The following UNC5A variants were observed in gnomAD, a reference collection of about 807,000 sequenced individuals.
UNC5A encodes unc-5 netrin receptor A, also known as netrin receptor UNC5A.
Under a neutral mutation model 87.4 loss-of-function variants are expected in UNC5A, and 20 were observed. The observed-to-expected ratio is 0.23, with a 90% CI of 0.16 to 0.33. The LOEUF is 0.33. Among genes scored for constraint, UNC5A ranks in the 10% least tolerant of loss-of-function variants. The pLI is 1.00. For synonymous variants in UNC5A, 438 were observed against 482.3 expected (o/e 0.91, Z 1.20); for missense variants, 844 against 1,133.4 (o/e 0.74, Z 3.67).
At chr5:176,862,479 G>C in intron 1 of UNC5A, 145 bp from the exon 2 acceptor site, 2 of 809,228 alleles carry the variant, frequency 2.5e-6, no homozygotes. Context: ...TCATTGGCCT[G>C]AGATTGCCCA....
At position 176,849,583 on chromosome 5, in the gene UNC5A, A is replaced by T. The variant is rs185139027; in HGVS notation, c.71-13041A>T. On this transcript the variant is annotated intron_variant, in intron 1 of 14. Coordinates refer to ENST00000329542, the MANE Select transcript of UNC5A (RefSeq NM_133369.3). ...CTGGGCAACTGCGTCTCAAAAAATT[A>T]AAAAAATGGTGCACCTCTCATCTGG... Among the ~76,000 whole-genome samples the T allele has an allele frequency of 3.7e-4, 56 of 152,270 alleles. No individual in the cohort carries two copies. The East Asian group carries it at 7.5e-3, about 20-fold the overall frequency.
intron 1 of UNC5A, among the ~76,000 whole-genome samples, chr5:176,842,818 G>A (rs1033871141): frequency 4.6e-5 from 7 of 152,074 alleles, no homozygotes; most frequent in Middle Eastern, 3.2e-3. Flanking sequence ...TTACGTAACC[G>A]AATACCACCT....
chr5:176,817,970 C>T (rs983540751), intron 1 of UNC5A, among the ~76,000 whole-genome samples: 4 of 152,040 alleles, frequency 2.6e-5, no homozygotes, highest in African/African-American at 9.7e-5. Context: ...GCCGGATTAG[C>T]GGCTCTTTGT....
chr5:176,869,110 C>G lies in UNC5A; in HGVS notation c.721+146C>G, dbSNP rs1758047121. On this transcript the variant is annotated intron_variant, in intron 5 of 14. Coordinates refer to ENST00000329542, the MANE Select transcript of UNC5A (RefSeq NM_133369.3). This position sits in a 1 kb window ranked among gnomAD's most constrained non-coding sequence, Gnocchi z 9.1. ...GACTAGGCAGGATAAGCAAAGGGCT[C>G]TCTGTGACTGCTGGGGGCCCAGGGG... 2.2e-6 allele frequency: 2 copies of G among 927,142 alleles called. No homozygotes were observed. The highest frequency in any genetic ancestry group is 3.7e-5 in the South Asian group (2 of 54,476). The allele number at this position is 927,142 out of a possible 1,614,324, so 57.4% of individuals were successfully genotyped here.
intron 1 of UNC5A, among the ~76,000 whole-genome samples, chr5:176,831,320 C>A (rs1191307724): frequency 6.6e-6 from 1 of 152,128 alleles, no homozygotes; most frequent in African/African-American, 2.4e-5. Context: ...CTCCAGGCAG[C>A]TGTATGGAAC....
At chr5:176,812,438 G>T (rs902176941) in intron 1 of UNC5A, among the ~76,000 whole-genome samples, 8 of 152,218 alleles carry the variant, frequency 5.3e-5, no homozygotes, top group Non-Finnish European at 8.8e-5. Flanking sequence ...AACCAGGGGG[G>T]TTGGCATGGT....
Position 176,865,642 on chromosome 5 carries a change from C to T in UNC5A, c.293-2488C>T. ...AGGTGAAGAAAAAGGCTTTCCTTAC[C>T]CACGGCAGATACCACGGCAGTGGCG... On this transcript the variant is annotated intron_variant, in intron 2 of 14. Coordinates refer to ENST00000329542, the MANE Select transcript of UNC5A (RefSeq NM_133369.3). This position sits in a 1 kb window ranked among gnomAD's most constrained non-coding sequence, Gnocchi z 5.3. 2 of 456,774 alleles carry T rather than the reference C, an allele frequency of 4.4e-6. No individual in the cohort carries two copies. Among genetic ancestry groups the T allele is most frequent in the South Asian group, 3.1e-5 (2 of 64,572 alleles). The allele number at this position is 456,774 out of a possible 1,614,324, so 28.3% of individuals were successfully genotyped here.
At chr5:176,826,542 C>T (rs1361621278) in intron 1 of UNC5A, among the ~76,000 whole-genome samples, 2 of 151,862 alleles carry the variant, frequency 1.3e-5, no homozygotes, top group Non-Finnish European at 2.9e-5. Flanking sequence ...GTGAAATTCA[C>T]GTAACATAAA....
chr5:176,858,761 A>AGGAT (rs1757732798), intron 1 of UNC5A, among the ~76,000 whole-genome samples: 2 of 135,968 alleles, frequency 1.5e-5, no homozygotes, highest in Non-Finnish European at 3.2e-5. Context: ...GAAGGAAGGA[A>AGGAT]GGAAGGAAGG....
rs1311474861 is a variant in UNC5A, at chr5:176,866,455, G to A, written c.293-1675G>A. On this transcript the variant is annotated intron_variant, in intron 2 of 14. Transcript: ENST00000329542. This position sits in a 1 kb window ranked among gnomAD's most constrained non-coding sequence, Gnocchi z 5.0. ...AGGCAAAGGGAGAAGAAAAGGGAGCGCTTAAAGGTAGTGCTGTTCTCCCAA... is the reference window on the plus strand; with the variant it reads ...AGGCAAAGGGAGAAGAAAAGGGAGCACTTAAAGGTAGTGCTGTTCTCCCAA... Among the ~76,000 whole-genome samples the A allele has an allele frequency of 2.0e-5, 3 of 152,100 alleles. No homozygotes were observed. Among genetic ancestry groups the A allele is most frequent in the African/African-American group, 4.8e-5 (2 of 41,432 alleles).
intron 1 of UNC5A, among the ~76,000 whole-genome samples, chr5:176,853,495 C>A (rs1406260351): frequency 1.3e-5 from 2 of 152,228 alleles, no homozygotes; most frequent in African/African-American, 4.8e-5. Flanking sequence ...TGTGACCAGG[C>A]CCCTGGAGCC....
chr5:176,815,030 G>A (rs974582655), intron 1 of UNC5A, among the ~76,000 whole-genome samples: 2 of 152,220 alleles, frequency 1.3e-5, no homozygotes, highest in Non-Finnish European at 2.9e-5. Context: ...CCCCAGCCAC[G>A]TGTATGGACA....
chr5:176,862,513 C>A (rs1157026298), intron 1 of UNC5A, 111 bp from the exon 2 acceptor site: 6 of 1,005,732 alleles, frequency 6.0e-6, no homozygotes, highest in Non-Finnish European at 9.0e-6. Context: ...AGAGCCTGGA[C>A]TCACTCTCCT....
chr5:176,814,727 T>C (rs559457801), intron 1 of UNC5A, among the ~76,000 whole-genome samples: 1 of 152,358 alleles, frequency 6.6e-6, no homozygotes, highest in African/African-American at 2.4e-5. Flanking sequence ...CCTCAGGTAT[T>C]GCCATTGTTT....
intron 1 of UNC5A, among the ~76,000 whole-genome samples, chr5:176,843,365 AG>A (rs1757326067): frequency 6.6e-6 from 1 of 152,030 alleles, no homozygotes; most frequent in African/African-American, 2.4e-5. Flanking sequence ...CCAGACACGA[AG>A]GACTCCATTC....
chr5:176,828,338 G>A (rs774664503), intron 1 of UNC5A, among the ~76,000 whole-genome samples: 3 of 152,180 alleles, frequency 2.0e-5, no homozygotes, highest in Non-Finnish European at 2.9e-5. Context: ...GGGCAGTGGG[G>A]GTGAGGGAGC....
At chr5:176,854,338 T>C (rs1757617643) in intron 1 of UNC5A, among the ~76,000 whole-genome samples, 1 of 152,186 alleles carries the variant, frequency 6.6e-6, no homozygotes, top group South Asian at 2.1e-4. Context: ...TGTCCCTGCT[T>C]ATCAGAGCCC....
At chr5:176,812,961 G>T (rs1379709162) in intron 1 of UNC5A, among the ~76,000 whole-genome samples, 3 of 152,220 alleles carry the variant, frequency 2.0e-5, no homozygotes, top group Non-Finnish European at 4.4e-5. Flanking sequence ...GGTGAAAAAT[G>T]TGTCTGTGAG....
At chr5:176,840,408 C>A (rs1003092062) in intron 1 of UNC5A, among the ~76,000 whole-genome samples, 1 of 152,218 alleles carries the variant, frequency 6.6e-6, no homozygotes, top group African/African-American at 2.4e-5. Context: ...TCATTCCCAC[C>A]AGCCCGCAGC....
Sources: allele counts gnomAD v4.1 joint callset (sites outside exome capture counted in the v4.1 genomes callset), GRCh38; gene constraint gnomAD v4.1.1; non-coding constraint Gnocchi (gnomAD v3.1); transcripts MANE v1.5; gene names NCBI Gene and HGNC (gene_info 2026-07-23, HGNC 2026-07-21).